FBXO28: variants seen among roughly 807,000 people sequenced by gnomAD.
FBXO28 encodes the protein F-box protein 28, also known as F-box only protein 28.
FBXO28 carries 8 observed loss-of-function variants against 38.1 expected under a neutral mutation model. That is an observed-to-expected ratio of 0.21 (90% confidence interval 0.12 to 0.38). FBXO28 has a LOEUF of 0.38. Among genes scored for constraint, FBXO28 ranks in the 10% least tolerant of loss-of-function variants. The probability of loss-of-function intolerance (pLI) is 1.00; values close to 1 mark genes in which losing one functional copy is unlikely to be tolerated. For missense variants in FBXO28, 345 were observed against 460.6 expected (o/e 0.75, Z 2.30); for synonymous variants, 168 against 173.8 (o/e 0.97, Z 0.26).
At chr1:224,139,584 A>G (rs1482026502) in intron 3 of FBXO28, among the ~76,000 whole-genome samples, 1 of 152,156 alleles carries the variant, frequency 6.6e-6, no homozygotes, top group African/African-American at 2.4e-5. Context: ...TCTACTAAAA[A>G]TACAAAAATT....
intron 1 of FBXO28, among the ~76,000 whole-genome samples, chr1:224,119,289 A>T (rs1572004472): frequency 6.8e-6 from 1 of 147,592 alleles, no homozygotes. Flanking sequence ...ACCTGCCACC[A>T]CGCCCGGCTA....
At chr1:224,142,120 G>A (rs1188907275) in intron 3 of FBXO28, among the ~76,000 whole-genome samples, 2 of 151,944 alleles carry the variant, frequency 1.3e-5, no homozygotes, top group East Asian at 3.9e-4. Context: ...GGGAGGCCGA[G>A]GCAGGCGGAT....
Position 224,157,364 on chromosome 1 carries a change from C to A in FBXO28, c.725C>A (p.Ser242Tyr). The stretch of plus-strand genomic sequence containing the variant: ...TATTCCTCCACAGTTCCAGGACCGT[C>A]TGCAGCCCTAACAACAATGCAGCTC... Reference protein sequence around the residue: ...LMGSPPVPGPSAALTTMQLFS... With the variant: ...LMGSPPVPGPYAALTTMQLFS... Residue 242 changes from serine (S) to tyrosine (Y), a missense_variant, in exon 5 of 5, where the codon TCT becomes TAT. Ser to Tyr is a moderately radical substitution (Grantham distance 144). Around this residue, in one of 6 missense-constraint regions of FBXO28, gnomAD observed 151 missense variants for 188.3 expected, o/e 0.80. Coordinates refer to ENST00000366862, the MANE Select transcript of FBXO28 (RefSeq NM_015176.4). The A allele has an allele frequency of 1.9e-6, 3 of 1,609,030 alleles. No individual in the cohort carries two copies. The South Asian group carries it at 3.3e-5, about 18-fold the overall frequency.
Position 224,134,264 on chromosome 1 carries a change from T to C in FBXO28, c.516+52T>C, listed in dbSNP as rs778142173. On this transcript the variant is annotated intron_variant, in intron 3 of 4. Coordinates refer to ENST00000366862, the MANE Select transcript of FBXO28 (RefSeq NM_015176.4). ...AGCTGGACTGCCCTACATAAACTTA[T>C]TATACAGTTATGAATTTCTGATTTT... 3.9e-6 allele frequency: 6 copies of C among 1,554,508 alleles called. No homozygotes were observed. In the African/African-American group the frequency reaches 4.1e-5, roughly 11 times the overall value.
At chr1:224,138,862 A>C (rs891404347) in intron 3 of FBXO28, among the ~76,000 whole-genome samples, 2 of 151,474 alleles carry the variant, frequency 1.3e-5, no homozygotes, top group African/African-American at 4.9e-5. Flanking sequence ...GCTTACTGCA[A>C]CCTCCGCCTC....
At chr1:224,138,199 G>T (rs1358862176) in intron 3 of FBXO28, among the ~76,000 whole-genome samples, 1 of 151,750 alleles carries the variant, frequency 6.6e-6, no homozygotes, top group Non-Finnish European at 1.5e-5. Flanking sequence ...GTGCACTCCA[G>T]CCTGGGCTAC....
intron 3 of FBXO28, among the ~76,000 whole-genome samples, chr1:224,145,898 C>T (rs1485727173): frequency 6.6e-6 from 1 of 152,074 alleles, no homozygotes; most frequent in Non-Finnish European, 1.5e-5. Context: ...AGAAACCCAT[C>T]GCTACTAAAA....
intron 4 of FBXO28, among the ~76,000 whole-genome samples, chr1:224,155,163 T>G (rs1657744852): frequency 6.6e-6 from 1 of 151,860 alleles, no homozygotes; most frequent in Non-Finnish European, 1.5e-5. Context: ...GCTACTTTAT[T>G]TTTTATTTTT....
In FBXO28 at chr1:224,114,334, A is replaced by G. The variant is rs1386561933; in HGVS notation, c.205A>G (p.Ile69Val). ...AAACAACACGCTTGTGGCGCTGCCCATCGTAGCCATCGAGAACATCCTCAG... is the reference window on the plus strand; with the variant it reads ...AAACAACACGCTTGTGGCGCTGCCCGTCGTAGCCATCGAGAACATCCTCAG... ...PQNNTLVALPIVAIENILSFM... is the reference protein window; with the variant it reads ...PQNNTLVALPVVAIENILSFM... Residue 69 changes from isoleucine to valine, a missense_variant, in exon 1 of 5, where the codon ATC (isoleucine) becomes GTC (valine). Coordinates refer to ENST00000366862, the MANE Select transcript of FBXO28 (RefSeq NM_015176.4). 1 of 1,592,290 alleles carries G rather than the reference A, an allele frequency of 6.3e-7. No homozygotes were observed. Among genetic ancestry groups the G allele is most frequent in the Non-Finnish European group, 8.6e-7 (1 of 1,169,334 alleles).
chr1:224,138,804 G>A (rs565736198), intron 3 of FBXO28, among the ~76,000 whole-genome samples: 15 of 150,930 alleles, frequency 9.9e-5, no homozygotes, highest in Admixed American at 2.6e-4. Flanking sequence ...TGTCTTGAAC[G>A]CCTAGACTCA....
intron 1 of FBXO28, among the ~76,000 whole-genome samples, chr1:224,125,635 T>A (rs1325377335): frequency 6.7e-6 from 1 of 150,256 alleles, no homozygotes; most frequent in Non-Finnish European, 1.5e-5. Context: ...AGAAGGATAC[T>A]CATTCTCTTT....
chr1:224,150,328 T>C (rs1024965179), intron 3 of FBXO28, among the ~76,000 whole-genome samples: 2 of 152,116 alleles, frequency 1.3e-5, no homozygotes, highest in African/African-American at 4.8e-5. Flanking sequence ...CTGAAAAAAT[T>C]ATGGAGTACT....
At chr1:224,149,604 T>G (rs148385422) in intron 3 of FBXO28, among the ~76,000 whole-genome samples, 344 of 144,982 alleles carry the variant, frequency 2.4e-3, no homozygotes, top group African/African-American at 8.1e-3. Flanking sequence ...TACCCCTTAT[T>G]TACTGAGTAT....
At chr1:224,143,061 A>G (rs1197178307) in intron 3 of FBXO28, among the ~76,000 whole-genome samples, 2 of 151,782 alleles carry the variant, frequency 1.3e-5, no homozygotes, top group Admixed American at 1.3e-4. Context: ...TAAATAAGCA[A>G]CCAAGCAAGC....
intron 4 of FBXO28, 129 bp from the exon 5 acceptor site, chr1:224,157,223 A>G: frequency 1.7e-6 from 2 of 1,163,472 alleles, no homozygotes; most frequent in Non-Finnish European, 2.4e-6. Context: ...CAACTGACCA[A>G]ATGGATTGCA....
intron 3 of FBXO28, among the ~76,000 whole-genome samples, chr1:224,147,846 GATTAA>G (rs1657548274): frequency 1.7e-5 from 2 of 119,550 alleles, no homozygotes; most frequent in South Asian, 2.7e-4. Context: ...AAAAAAAAAA[GATTAA>G]ATCTACTCAG....
Position 224,117,880 on chromosome 1 carries a change from A to G in FBXO28, c.267+3484A>G, listed in dbSNP as rs1656678195. ...AAAAATTAGCCAGGCGTGGTGGCAC[A>G]CGCCTGTAATCCCAGCTACTTGGGA... is the stretch of plus-strand genomic sequence containing the variant. On this transcript the variant is annotated intron_variant, in intron 1 of 4. Transcript: ENST00000366862. Among the ~76,000 whole-genome samples, 3 of 152,238 alleles carry G rather than the reference A, an allele frequency of 2.0e-5. No homozygotes were observed. In the South Asian group the frequency reaches 6.2e-4, roughly 32 times the overall value.
intron 1 of FBXO28, among the ~76,000 whole-genome samples, chr1:224,118,834 C>T (rs1255292797): frequency 2.0e-5 from 3 of 152,152 alleles, no homozygotes; most frequent in African/African-American, 4.8e-5. Flanking sequence ...ACCCATAGAA[C>T]TTACCTTGGA....
At chr1:224,129,593 A>C (rs962613883) in intron 1 of FBXO28, among the ~76,000 whole-genome samples, 2 of 152,368 alleles carry the variant, frequency 1.3e-5, no homozygotes, top group East Asian at 3.9e-4. Flanking sequence ...GTCTGTGACC[A>C]TAATAATGGG....
Sources: gnomAD v4.1 joint callset for allele counts (sites outside exome capture counted in the v4.1 genomes callset) on GRCh38, gnomAD v4.1.1 for gene constraint, gnomAD v4.1.1 regional missense constraint, MANE v1.5 for transcripts, NCBI Gene and HGNC (gene_info 2026-07-23, HGNC 2026-07-21) for gene names.